Variants in PDE10A observed in about 807,000 individuals in gnomAD.
PDE10A encodes phosphodiesterase 10A.
In PDE10A, 39 loss-of-function variants were observed where a neutral mutation model predicts 97.7. That is an observed-to-expected ratio of 0.40 (90% CI 0.31 to 0.52). The LOEUF is 0.52. Ranked by LOEUF, PDE10A falls within the 20% of genes least tolerant of loss-of-function variation. PDE10A has a pLI of 0.56. For missense variants in PDE10A, 731 were observed against 1,047.8 expected (o/e 0.70, Z 4.17); for synonymous variants, 371 against 376.8 (o/e 0.98, Z 0.18).
intron 3 of PDE10A, among the ~76,000 whole-genome samples, chr6:165,457,033 G>C (rs1040103237): frequency 6.6e-6 from 1 of 152,036 alleles, no homozygotes; most frequent in African/African-American, 2.4e-5. Context: ...TTGTTTATCA[G>C]GACTGTTATG....
intron 1 of PDE10A, among the ~76,000 whole-genome samples, chr6:165,978,292 A>G (rs1437592014): frequency 6.6e-6 from 1 of 152,272 alleles, no homozygotes; most frequent in Non-Finnish European, 1.5e-5. Context: ...TTATATAATT[A>G]TGAATGATAT....
intron 1 of PDE10A, among the ~76,000 whole-genome samples, chr6:165,816,526 T>A (rs1392628837): frequency 6.6e-6 from 1 of 152,158 alleles, no homozygotes; most frequent in African/African-American, 2.4e-5. Flanking sequence ...CACCTCCCCT[T>A]ACAGCCAATA....
chr6:165,725,403 G>A (rs1352850178), intron 1 of PDE10A, among the ~76,000 whole-genome samples: 2 of 152,208 alleles, frequency 1.3e-5, no homozygotes, highest in Admixed American at 6.5e-5. Flanking sequence ...CATGGGGCCA[G>A]AGCCCAAACA....
intron 10 of PDE10A, among the ~76,000 whole-genome samples, chr6:165,422,114 T>A (rs1359690376): frequency 6.6e-6 from 1 of 152,118 alleles, no homozygotes; most frequent in Non-Finnish European, 1.5e-5. Context: ...TAAACATATG[T>A]TCACCTTTTC....
At chr6:165,972,057 A>G (rs982680328) in intron 1 of PDE10A, among the ~76,000 whole-genome samples, 1 of 152,184 alleles carries the variant, frequency 6.6e-6, no homozygotes, top group Non-Finnish European at 1.5e-5. Flanking sequence ...GGTGAAAGAA[A>G]AGGTACACGC....
chr6:165,514,929 C>T (rs1781706437), intron 2 of PDE10A, among the ~76,000 whole-genome samples: 1 of 152,160 alleles, frequency 6.6e-6, no homozygotes, highest in Admixed American at 6.5e-5. Context: ...TTCATAATTG[C>T]CTTTTGGGGA....
intron 1 of PDE10A, among the ~76,000 whole-genome samples, chr6:165,938,105 C>T (rs1462641611): frequency 6.6e-6 from 1 of 152,232 alleles, no homozygotes; most frequent in African/African-American, 2.4e-5. Flanking sequence ...TTTACTCTCC[C>T]CAGCAAGCCA....
intron 13 of PDE10A, among the ~76,000 whole-genome samples, chr6:165,410,631 A>T (rs1787675110): frequency 6.6e-6 from 1 of 152,110 alleles, no homozygotes; most frequent in Non-Finnish European, 1.5e-5. Flanking sequence ...GTTCCTGTGG[A>T]GAAACCTGCA....
chr6:165,489,309 T>C (rs2128286126), intron 2 of PDE10A, among the ~76,000 whole-genome samples: 1 of 152,316 alleles, frequency 6.6e-6, no homozygotes, highest in African/African-American at 2.4e-5. Context: ...AGTTGGAACC[T>C]GGTAGTTCTG....
At chr6:165,952,271 A>T (rs93622) in intron 1 of PDE10A, among the ~76,000 whole-genome samples, 6 of 152,034 alleles carry the variant, frequency 3.9e-5, no homozygotes, top group Admixed American at 6.5e-5. Context: ...GCCTTTCTTC[A>T]CTCCCCAACT....
intron 3 of PDE10A, among the ~76,000 whole-genome samples, chr6:165,470,827 T>A (rs1290847675): frequency 2.6e-5 from 4 of 152,172 alleles, no homozygotes; most frequent in Admixed American, 6.5e-5. Context: ...TCTGTCCCAT[T>A]GCATCAAACT....
At chr6:165,883,061 C>G (rs567252685) in intron 1 of PDE10A, among the ~76,000 whole-genome samples, 13 of 152,016 alleles carry the variant, frequency 8.6e-5, no homozygotes, top group Non-Finnish European at 1.6e-4. Context: ...AATGGTGAAA[C>G]CCCATCTCTA....
intron 1 of PDE10A, among the ~76,000 whole-genome samples, chr6:165,785,569 T>C (rs913908708): frequency 1.3e-5 from 2 of 152,240 alleles, no homozygotes; most frequent in Non-Finnish European, 2.9e-5. Flanking sequence ...TATCCACTTG[T>C]CATTACCAAA....
chr6:165,870,042 T>C (rs1781157552), intron 1 of PDE10A, among the ~76,000 whole-genome samples: 1 of 152,118 alleles, frequency 6.6e-6, no homozygotes, highest in Non-Finnish European at 1.5e-5. Context: ...GTTTAGGCAA[T>C]GATTTTATGA....
chr6:165,349,549 C>A (rs535945927), intron 18 of PDE10A, among the ~76,000 whole-genome samples: 101 of 152,170 alleles, frequency 6.6e-4, no homozygotes, highest in Non-Finnish European at 1.1e-3. Context: ...AAAAGAAAAA[C>A]CAATTTTCTG....
chr6:165,581,529 T>C (rs1175164081), intron 1 of PDE10A, among the ~76,000 whole-genome samples: 2 of 152,222 alleles, frequency 1.3e-5, no homozygotes, highest in Non-Finnish European at 2.9e-5. Flanking sequence ...GCCAGCACCA[T>C]GGTCTCTGAC....
chr6:165,918,796 C>G (rs562146734), intron 1 of PDE10A, among the ~76,000 whole-genome samples: 3 of 152,010 alleles, frequency 2.0e-5, no homozygotes, highest in Admixed American at 2.0e-4. Context: ...CTCTTCCTCT[C>G]GGGGGTGTCA....
chr6:165,607,497 C>A (rs1472331528), intron 1 of PDE10A, among the ~76,000 whole-genome samples: 2 of 152,160 alleles, frequency 1.3e-5, no homozygotes, highest in Non-Finnish European at 2.9e-5. Context: ...AGGCCACACA[C>A]AGAGCCTAGG....
At chr6:165,895,546 C>T (rs1317255790) in intron 1 of PDE10A, among the ~76,000 whole-genome samples, 2 of 152,198 alleles carry the variant, frequency 1.3e-5, no homozygotes, top group African/African-American at 4.8e-5. Context: ...TGGCTGTGGC[C>T]CTTTGTCACA....
Sources: allele counts gnomAD v4.1 joint callset (sites outside exome capture counted in the v4.1 genomes callset), GRCh38; gene constraint gnomAD v4.1.1; transcripts MANE v1.5; gene names NCBI Gene and HGNC (gene_info 2026-07-23, HGNC 2026-07-21).